SLC8A1: variants seen among roughly 807,000 people sequenced by gnomAD.
SLC8A1 encodes sodium/calcium exchanger 1.
In SLC8A1, 18 loss-of-function variants were observed where a neutral mutation model predicts 68.3. That is an observed-to-expected ratio of 0.26 (90% CI 0.18 to 0.39). The LOEUF (loss-of-function observed/expected upper bound fraction) is 0.39, where lower values mean the gene tolerates loss of function less well. SLC8A1 is among the 10% of genes least tolerant of loss of function. The pLI is 1.00. For missense variants in SLC8A1, 985 were observed against 1,156.7 expected, an observed-to-expected ratio of 0.85 and a Z score of 2.15; for synonymous variants, 475 against 415.5, an observed-to-expected ratio of 1.14 and a Z score of -1.74.
chr2:40,108,444 TA>T (rs1271624729), exon 8 of SLC8A1: 4 of 152,186 alleles, frequency 2.6e-5, no homozygotes, highest in African/African-American at 9.7e-5. Flanking sequence ...CAATTTGTAA[TA>T]AAATCCTAGT....
At chr2:40,294,996 A>G (rs934309350) in intron 2 of SLC8A1, among the ~76,000 whole-genome samples, 1 of 152,202 alleles carries the variant, frequency 6.6e-6, no homozygotes, top group Non-Finnish European at 1.5e-5. Flanking sequence ...ACTTTACCCA[A>G]ATATCTTTAG....
intron 2 of SLC8A1, 100 bp downstream of exon 3, chr2:40,178,287 G>T (rs17025449): frequency 0.024 from 20,754 of 865,284 alleles, 346 homozygotes; most frequent in East Asian, 0.045. Flanking sequence ...TAGGTGGAGG[G>T]ATGTGTGCAT....
chr2:40,246,797 T>C (rs2061931112), intron 2 of SLC8A1, among the ~76,000 whole-genome samples: 2 of 152,220 alleles, frequency 1.3e-5, no homozygotes. Context: ...TACTTTTTCA[T>C]AGGATTCTAT....
chr2:40,199,091 T>A (rs977326231), intron 2 of SLC8A1, among the ~76,000 whole-genome samples: 6 of 150,762 alleles, frequency 4.0e-5, no homozygotes, highest in Admixed American at 3.3e-4. Context: ...AATAGAAAAT[T>A]GTTCAAGACT....
intron 1 of SLC8A1, among the ~76,000 whole-genome samples, chr2:40,447,885 C>T (rs1367940865): frequency 7.2e-5 from 11 of 152,174 alleles, no homozygotes; most frequent in Admixed American, 7.2e-4. Flanking sequence ...TTTCCTCTTC[C>T]ACATGTTCCC....
chr2:40,134,677 G>A (rs915291553), intron 7 of SLC8A1, among the ~76,000 whole-genome samples: 9 of 152,044 alleles, frequency 5.9e-5, no homozygotes, highest in African/African-American at 1.2e-4. Flanking sequence ...CTTAACTGTC[G>A]CTAGAAGTTA....
At chr2:40,127,626 T>C (rs375065757) in intron 7 of SLC8A1, among the ~76,000 whole-genome samples, 126 of 152,112 alleles carry the variant, frequency 8.3e-4, no homozygotes, top group African/African-American at 2.8e-3. Flanking sequence ...CCAGTGGGGG[T>C]CATTTTAGTC....
chr2:40,395,713 A>G (rs72948162), intron 2 of SLC8A1, among the ~76,000 whole-genome samples: 2,701 of 152,278 alleles, frequency 0.018, 78 homozygotes, highest in African/African-American at 0.062. Context: ...GCTTATTATC[A>G]GAGTGATAAG....
At chr2:40,474,736 A>T (rs1339921256) in intron 1 of SLC8A1, among the ~76,000 whole-genome samples, 3 of 152,226 alleles carry the variant, frequency 2.0e-5, no homozygotes, top group Non-Finnish European at 4.4e-5. Flanking sequence ...AAACTGAAGT[A>T]CAGAAATATT....
intron 1 of SLC8A1, among the ~76,000 whole-genome samples, chr2:40,463,111 A>T (rs570241123): frequency 3.9e-5 from 6 of 152,350 alleles, no homozygotes; most frequent in African/African-American, 1.4e-4. Context: ...AAGAAGACAC[A>T]GAGAGTGGGC....
intron 2 of SLC8A1, chr2:40,189,974 T>G (rs1211365102): frequency 6.6e-6 from 1 of 152,196 alleles, no homozygotes; most frequent in African/African-American, 2.4e-5. Flanking sequence ...CATACATTTT[T>G]AAAAGGAGAA....
At chr2:40,280,366 C>A (rs1424915225) in intron 2 of SLC8A1, among the ~76,000 whole-genome samples, 2 of 151,698 alleles carry the variant, frequency 1.3e-5, no homozygotes, top group Non-Finnish European at 1.5e-5. Context: ...TAACAAAAAC[C>A]CATTTTCTGA....
rs548687325 is a variant in SLC8A1, at chr2:40,125,900, A to T, written c.2438-10271T>A. ...GATACTTAACAAACAGCTTTTGTTA[A>T]ATATCTCTTATTTTTATAGATTCTT... is the stretch of plus-strand genomic sequence containing the variant. On this transcript the variant is annotated intron_variant, in intron 7 of 7. Coordinates refer to ENST00000406785, the Ensembl canonical transcript of SLC8A1. Among the ~76,000 whole-genome samples the T allele has an allele frequency of 1.0e-3, 157 of 152,310 alleles. 2 individuals are homozygous for T. Among genetic ancestry groups the T allele is most frequent in the African/African-American group, 3.7e-3 (152 of 41,570 alleles).
exon 8 of SLC8A1, chr2:40,114,367 G>C (rs1385801011): frequency 6.5e-6 from 1 of 152,758 alleles, no homozygotes; most frequent in Non-Finnish European, 1.5e-5. Flanking sequence ...TTTGAATGGG[G>C]TTATTCTTAC....
chr2:40,222,002 A>G (rs1261878480), intron 2 of SLC8A1, among the ~76,000 whole-genome samples: 11 of 152,212 alleles, frequency 7.2e-5, no homozygotes, highest in South Asian at 4.1e-4. Flanking sequence ...CTTTCATCAC[A>G]GAATTAGAAA....
chr2:40,298,748 A>G (rs1299360151), intron 2 of SLC8A1, among the ~76,000 whole-genome samples: 1 of 152,234 alleles, frequency 6.6e-6, no homozygotes, highest in Admixed American at 6.5e-5. Flanking sequence ...AGCATGCAGA[A>G]AACTGTAAAA....
intron 1 of SLC8A1, among the ~76,000 whole-genome samples, chr2:40,464,158 G>A (rs1265069021): frequency 6.6e-6 from 1 of 152,024 alleles, no homozygotes; most frequent in South Asian, 2.1e-4. Flanking sequence ...GCCCCCCAAA[G>A]TGCTGGGATT....
chr2:40,396,489 A>T (rs1044316226), intron 2 of SLC8A1, among the ~76,000 whole-genome samples: 3 of 152,134 alleles, frequency 2.0e-5, no homozygotes, highest in Non-Finnish European at 4.4e-5. Context: ...TTAGAAGATG[A>T]TGATAGAAAT....
chr2:40,402,404 C>T (rs1273655078), intron 2 of SLC8A1, among the ~76,000 whole-genome samples: 1 of 152,188 alleles, frequency 6.6e-6, no homozygotes, highest in East Asian at 1.9e-4. Flanking sequence ...TAAGTATAAT[C>T]AGTTGAGCAG....
Sources: gnomAD v4.1 joint callset for allele counts (sites outside exome capture counted in the v4.1 genomes callset) on GRCh38, gnomAD v4.1.1 for gene constraint, MANE v1.5 for transcripts, NCBI Gene and HGNC (gene_info 2026-07-23, HGNC 2026-07-21) for gene names.